KIAA1755: variants seen among roughly 807,000 people sequenced by gnomAD.
KIAA1755 encodes KIAA1755.
In KIAA1755, 68 loss-of-function variants were observed where a neutral mutation model predicts 91.7. The observed-to-expected ratio is 0.74, with a 90% CI of 0.61 to 0.91. The LOEUF (loss-of-function observed/expected upper bound fraction) is 0.91. KIAA1755 is among the 40% of genes least tolerant of loss of function. KIAA1755 has a pLI of 0.00. For missense variants in KIAA1755, 1,535 were observed against 1,494.4 expected (o/e 1.03, Z -0.45); for synonymous variants, 610 against 604.6 (o/e 1.01, Z -0.13).
chr20:38,238,024 G>A (rs1204666204), intron 4 of KIAA1755, among the ~76,000 whole-genome samples: 1 of 152,064 alleles, frequency 6.6e-6, no homozygotes, highest in Non-Finnish European at 1.5e-5. Flanking sequence ...GTAACTGAGG[G>A]AAGAGTGACA....
At chr20:38,256,116 G>C (rs1476814493) in intron 1 of KIAA1755, among the ~76,000 whole-genome samples, 1 of 152,144 alleles carries the variant, frequency 6.6e-6, no homozygotes, top group Non-Finnish European at 1.5e-5. Context: ...GGTAGCACTG[G>C]GGTATGACCC....
Position 38,213,319 on chromosome 20 carries a change from G to A in KIAA1755, c.3326C>T (p.Pro1109Leu), listed in dbSNP as rs1186526097. The change falls in exon 14 of 14, where the codon CCT (proline) becomes CTT (leucine). Residue 1109 changes from proline to leucine, a missense_variant. Transcript: ENST00000279024. ...CTGTTCCCCTCTGGGGGGCCCAGGA[G>A]GCCAATAGGACTTTGGCAAATGGTC... ...GMDHLPKSYW[P>L]PGPPRGEQNR... 6.2e-7 allele frequency: 1 copy of A among 1,613,294 alleles called. No individual in the cohort carries two copies. The highest frequency in any genetic ancestry group is 1.7e-5 in the Admixed American group (1 of 59,904).
intron 13 of KIAA1755, among the ~76,000 whole-genome samples, chr20:38,215,706 G>C (rs929286995): frequency 1.3e-5 from 2 of 152,212 alleles, no homozygotes; most frequent in South Asian, 4.1e-4. Flanking sequence ...GAGCACGTTT[G>C]ATCGATCCGG....
At position 38,246,122 on chromosome 20, in the gene KIAA1755, G is replaced by A. The variant is rs746000428; in HGVS notation, c.8C>T (p.Pro3Leu). 1 of 1,611,542 alleles carries A rather than the reference G, an allele frequency of 6.2e-7. No homozygotes were observed. The highest frequency in any genetic ancestry group is 8.5e-7 in the Non-Finnish European group (1 of 1,179,560). The part of the protein sequence containing the change: MD[P>L]PSLDTAIQHA... The stretch of plus-strand genomic sequence containing the variant: ...CTGGATGGCTGTGTCGAGGGATGGA[G>A]GGTCCTGTGGGGGACAGGAGGAGGG... Residue 3 changes from proline to leucine, a missense_variant, in exon 2 of 14, where the codon CCT (proline) becomes CTT (leucine). Transcript: ENST00000279024.
rs746417318 is a variant in KIAA1755 at position 38,239,660 on chromosome 20, C to G, written c.1615G>C (p.Ala539Pro). 30 of 1,607,696 alleles carry G rather than the reference C, an allele frequency of 1.9e-5. No individual in the cohort carries two copies. The highest frequency in any genetic ancestry group is 3.4e-5 in the Admixed American group (2 of 58,534). The part of the protein sequence containing the change: ...TAPSPLTEEK[A>P]ALPEASAGSP... Reference sequence around the variant, plus strand: ...CCTGCAGAAGCTTCTGGCAAGGCAGCCTTTTCCTCAGTCAGTGGGCTGGGG... The same window carrying G: ...CCTGCAGAAGCTTCTGGCAAGGCAGGCTTTTCCTCAGTCAGTGGGCTGGGG... Residue 539 changes from alanine to proline, a missense_variant, in exon 4 of 14, where the codon GCT (alanine) becomes CCT (proline). By Grantham distance (27) the Ala-to-Pro change is conservative (BLOSUM62 -1). Coordinates refer to ENST00000279024, the MANE Select transcript of KIAA1755 (RefSeq NM_001029864.2).
At chr20:38,245,899 T>C in intron 2 of KIAA1755, 30 bp downstream of exon 2, 1 of 1,608,500 alleles carries the variant, frequency 6.2e-7, no homozygotes, top group Non-Finnish European at 8.5e-7. Flanking sequence ...GAACAGCTTG[T>C]TCCCTGTCCC....
chr20:38,227,382 T>C (rs1283357539), intron 6 of KIAA1755, 142 bp from the exon 7 acceptor site: 3 of 570,072 alleles, frequency 5.3e-6, no homozygotes, highest in Non-Finnish European at 9.4e-6. Flanking sequence ...ACTGGAATCT[T>C]TGTGTGATAC....
rs1369420796 is a variant in KIAA1755, at chr20:38,260,520, C to T, written c.-20G>A. ...TACCATGGTGACGGGCTGCCAGCGG[C>T]GGGCGGCGCGGCTCCTCTCCTGGGC... On this transcript the variant is annotated 5_prime_UTR_variant, in exon 1 of 14. Transcript: ENST00000279024. The T allele has an allele frequency of 1.2e-5, 17 of 1,477,970 alleles. No individual in the cohort carries two copies. The highest frequency in any genetic ancestry group is 1.5e-5 in the Non-Finnish European group (17 of 1,116,500). 91.6% of individuals were successfully genotyped at this position (1,477,970 alleles called of 1,614,324 possible).
rs767290140 is a variant in KIAA1755, at chr20:38,213,060, A to G, written c.3585T>C (p.Ser1195=). The G allele has an allele frequency of 7.1e-6, 11 of 1,544,134 alleles. No individual in the cohort carries two copies. Among genetic ancestry groups the G allele is most frequent in the Non-Finnish European group, 9.6e-6 (11 of 1,142,848 alleles). The change falls in exon 14 of 14, where the codon AGT becomes AGC. Residue 1195 remains serine (S), a synonymous_variant. Coordinates refer to ENST00000279024, the MANE Select transcript of KIAA1755 (RefSeq NM_001029864.2). ...QTSLEDSPQT[S]PLASL ...CTCTCAGCTAGAGGGAGGCAAGGGGACTTGTCTGGGGTGAGTCCTCAAGGG... is the reference window on the plus strand; with the variant it reads ...CTCTCAGCTAGAGGGAGGCAAGGGGGCTTGTCTGGGGTGAGTCCTCAAGGG...
chr20:38,248,454 A>G (rs1600649507), intron 1 of KIAA1755, among the ~76,000 whole-genome samples: 1 of 152,086 alleles, frequency 6.6e-6, no homozygotes. Flanking sequence ...CTGATCTTTT[A>G]TTACCTGCAA....
At chr20:38,237,185 G>C (rs1056801122) in intron 4 of KIAA1755, among the ~76,000 whole-genome samples, 4 of 151,456 alleles carry the variant, frequency 2.6e-5, no homozygotes, top group Admixed American at 6.6e-5. Flanking sequence ...CCAGAAGGAA[G>C]GTCATCAGCT....
intron 12 of KIAA1755, chr20:38,217,895 A>C: frequency 2.4e-6 from 1 of 411,196 alleles, no homozygotes; most frequent in Non-Finnish European, 4.4e-6. Flanking sequence ...GGGCTGAATC[A>C]CCCTGTGGTC....
chr20:38,241,490 G>A lies in KIAA1755; in HGVS notation c.641C>T (p.Pro214Leu). ...LPLEALDLSS[P>L]QELHQASSPD... ...GGAGCTGGCCTGGTGCAACTCTTGA[G>A]GGCTGCTCAAATCCAGTGCCTCTAA... Residue 214 changes from proline (P) to leucine (L), a missense_variant, in exon 3 of 14, where the codon CCT (proline) becomes CTT (leucine). By Grantham distance (98) the Pro-to-Leu change is moderately conservative. Transcript: ENST00000279024. 6.2e-7 allele frequency: 1 copy of A among 1,614,242 alleles called. No individual in the cohort carries two copies. The highest frequency in any genetic ancestry group is 1.1e-5 in the South Asian group (1 of 91,092).
Position 38,241,559 on chromosome 20 carries a change from G to C in KIAA1755, c.572C>G (p.Pro191Arg). The change falls in exon 3 of 14, where the codon CCC becomes CGC. Residue 191 changes from proline to arginine, a missense_variant. By Grantham distance (103) the Pro-to-Arg change is moderately radical (BLOSUM62 -2). Coordinates refer to ENST00000279024, the MANE Select transcript of KIAA1755 (RefSeq NM_001029864.2). ...ITSPEFVDDRPQVVNALCQAW... is the reference protein window; with the variant it reads ...ITSPEFVDDRRQVVNALCQAW... ...TTGGCAGAGGGCATTCACTACTTGG[G>C]GTCTGTCATCCACAAACTCTGGGCT... The C allele has an allele frequency of 1.2e-6, 2 of 1,614,204 alleles. No homozygotes were observed. The highest frequency in any genetic ancestry group is 1.1e-5 in the South Asian group (1 of 91,084).
intron 1 of KIAA1755, among the ~76,000 whole-genome samples, chr20:38,255,355 G>C (rs1050417953): frequency 2.6e-5 from 4 of 152,170 alleles, no homozygotes; most frequent in African/African-American, 9.7e-5. Context: ...GTCAGCCTCA[G>C]CACCAGGGAA....
chr20:38,231,336 G>C lies in KIAA1755; in HGVS notation c.1748-11C>G. 1 of 1,602,770 alleles carries C rather than the reference G, an allele frequency of 6.2e-7. No homozygotes were observed. Among genetic ancestry groups the C allele is most frequent in the East Asian group, 2.2e-5 (1 of 44,738 alleles). Reference sequence around the variant, plus strand: ...CCCTGTCCCGGCCACCTGGAGGACAGAGGGCACACGTGAGCAGTGAGAACT... The same window carrying C: ...CCCTGTCCCGGCCACCTGGAGGACACAGGGCACACGTGAGCAGTGAGAACT... On this transcript the variant is annotated splice_polypyrimidine_tract_variant and intron_variant, in intron 4 of 13. Transcript: ENST00000279024.
chr20:38,226,062 G>A (rs575755781), intron 7 of KIAA1755, among the ~76,000 whole-genome samples: 2 of 152,222 alleles, frequency 1.3e-5, no homozygotes, highest in Admixed American at 6.5e-5. Context: ...CATAGCACTC[G>A]TTCCCTCTGA....
chr20:38,246,197 C>G (rs1418154407), intron 1 of KIAA1755, 71 bp from the exon 2 acceptor site: 3 of 1,327,788 alleles, frequency 2.3e-6, no homozygotes, highest in Non-Finnish European at 3.2e-6. Context: ...CCGTGACCTT[C>G]CAGGCCCCAT....
chr20:38,232,815 T>C (rs916087575), intron 4 of KIAA1755, among the ~76,000 whole-genome samples: 2 of 151,972 alleles, frequency 1.3e-5, no homozygotes, highest in African/African-American at 4.8e-5. Context: ...TATGAGGACA[T>C]TCTTTTTCAT....
Sources: allele counts gnomAD v4.1 joint callset (sites outside exome capture counted in the v4.1 genomes callset), GRCh38; gene constraint gnomAD v4.1.1; transcripts MANE v1.5; gene names NCBI Gene and HGNC (gene_info 2026-07-23, HGNC 2026-07-21).